CORO2B: variants seen among roughly 807,000 people sequenced by gnomAD.
CORO2B encodes coronin 2B.
CORO2B carries 26 observed loss-of-function variants against 58.8 expected under a neutral mutation model. The ratio of observed to expected loss-of-function variants is 0.44; its 90% CI spans 0.32 to 0.61. The LOEUF is 0.61. CORO2B is among the 20% of genes least tolerant of loss of function. The pLI, the probability that CORO2B is intolerant of heterozygous loss-of-function variation, is 0.04. For missense variants in CORO2B, 460 were observed against 645.1 expected (o/e 0.71, Z 3.11); for synonymous variants, 242 against 253.8 (o/e 0.95, Z 0.44).
chr15:68,726,074 G>C lies in CORO2B; in HGVS notation c.*100G>C. 4 of 1,509,100 alleles carry C rather than the reference G, an allele frequency of 2.7e-6. No individual in the cohort carries two copies. The highest frequency in any genetic ancestry group is 2.7e-6 in the Non-Finnish European group (3 of 1,120,696). 93.5% of individuals were successfully genotyped at this position (1,509,100 alleles called of 1,614,324 possible). ...GACCCCAGAGACAGAGCCAGGACAG[G>C]AGTGGGGGCCAGCCTGAGGACCCCC... On this transcript the variant is annotated 3_prime_UTR_variant, in exon 12 of 12. Transcript: ENST00000261861.
At chr15:68,639,331 A>C (rs1242020533) in intron 1 of CORO2B, among the ~76,000 whole-genome samples, 3 of 152,220 alleles carry the variant, frequency 2.0e-5, no homozygotes, top group Non-Finnish European at 4.4e-5. Flanking sequence ...TGATCTGGTA[A>C]CTTACAAACC....
Position 68,616,627 on chromosome 15 carries a change from G to A in CORO2B, c.16-28533G>A, listed in dbSNP as rs911737036. On this transcript the variant is annotated intron_variant, in intron 1 of 11. Transcript: ENST00000261861. ...ATTCTGACAAGCGGTGAGTACGGCTGTGTCAGCGCGTGGGCCCCAGCGCAA... is the reference window on the plus strand; with the variant it reads ...ATTCTGACAAGCGGTGAGTACGGCTATGTCAGCGCGTGGGCCCCAGCGCAA... 18 of 985,286 alleles carry A rather than the reference G, an allele frequency of 1.8e-5. No individual in the cohort carries two copies. The Admixed American group carries it at 5.5e-4, about 30-fold the overall frequency. The allele number at this position is 985,286 out of a possible 1,614,324, so 61.0% of individuals were successfully genotyped here.
At position 68,708,571 on chromosome 15, in the gene CORO2B, C is replaced by T. The variant is rs527897751; in HGVS notation, c.334-2161C>T. 7.9e-5 allele frequency among the ~76,000 whole-genome samples: 12 copies of T among 151,884 alleles called. No homozygotes were observed. The South Asian group carries it at 1.9e-3, about 24-fold the overall frequency. On this transcript the variant is annotated intron_variant, in intron 3 of 11. Transcript: ENST00000261861. ...GTAGAGATGGGTTTCTCCGTGTTAG[C>T]CAGGATGGTCTCGATCTCCTGACCT...
rs56168498 is a variant in CORO2B at position 68,686,020 on chromosome 15, G to GT, written c.217-9103dup. On this transcript the variant is annotated intron_variant, in intron 2 of 11. Transcript: ENST00000261861. ...CTAGAAATGTTGAGCTCCTACTTCTGTTTTTTTTTTTTTTTTTCTTTTTTT... is the reference window on the plus strand; with the variant it reads ...CTAGAAATGTTGAGCTCCTACTTCTGTTTTTTTTTTTTTTTTTTCTTTTTTT... Among the ~76,000 whole-genome samples the GT allele has an allele frequency of 5.0e-3, 518 of 103,274 alleles. 4 individuals carry two copies. Among genetic ancestry groups the GT allele is most frequent in the African/African-American group, 0.015 (441 of 29,224 alleles). 67.8% of individuals were successfully genotyped at this position (103,274 alleles called of 152,430 possible).
intron 2 of CORO2B, among the ~76,000 whole-genome samples, chr15:68,688,015 C>G (rs1246725998): frequency 6.6e-6 from 1 of 152,208 alleles, no homozygotes; most frequent in Non-Finnish European, 1.5e-5. Context: ...CCCTCCAGAC[C>G]ATCCATTGGT....
chr15:68,523,805 A>G, the CORO2B span, among the ~76,000 whole-genome samples: 1 of 152,208 alleles, frequency 6.6e-6, no homozygotes. Flanking sequence ...CCATATCCCA[A>G]GGGGAAAAGT....
rs1200617659 is a variant in CORO2B, at chr15:68,579,202, G to GGCC, written c.-48_-46dup. On this transcript the variant is annotated 5_prime_UTR_variant, in exon 1 of 12. Transcript: ENST00000261861. The stretch of plus-strand genomic sequence containing the variant: ...CGGACCCCCTTCCGCCGCCGCCCCG[G>GGCC]GCCGCCGCCGCCGCCCCCGCACGCC... 2,504 of 993,906 alleles carry GGCC rather than the reference G, an allele frequency of 2.5e-3. 60 individuals carry two copies. The African/African-American group carries it at 0.039, about 15-fold the overall frequency. The allele number at this position is 993,906 out of a possible 1,614,324, so 61.6% of individuals were successfully genotyped here.
At chr15:68,562,016 G>A in the CORO2B span, among the ~76,000 whole-genome samples, 4 of 152,146 alleles carry the variant, frequency 2.6e-5, no homozygotes, top group Non-Finnish European at 5.9e-5. Flanking sequence ...TACCCTAAAG[G>A]CAGGCCAACT....
rs1014601940 is a variant in CORO2B at position 68,710,158 on chromosome 15, T to A, written c.334-574T>A. Among the ~76,000 whole-genome samples the A allele has an allele frequency of 2.0e-5, 3 of 152,204 alleles. No homozygotes were observed. The highest frequency in any genetic ancestry group is 2.0e-4 in the Admixed American group (3 of 15,280). ...AGCAGCTCTATCCAGGCTCTGCCCA[T>A]CCTTTCAGCTCAGGCCCCAACATCT... On this transcript the variant is annotated intron_variant, in intron 3 of 11. Transcript: ENST00000261861. The surrounding 1 kb of genome is among the most constrained non-coding windows in gnomAD (Gnocchi z 4.1).
intron 1 of CORO2B, among the ~76,000 whole-genome samples, chr15:68,628,495 T>C (rs1396754131): frequency 6.6e-6 from 1 of 152,230 alleles, no homozygotes; most frequent in Non-Finnish European, 1.5e-5. Context: ...GTGAAATACA[T>C]TAAAATATGT....
intron 2 of CORO2B, among the ~76,000 whole-genome samples, chr15:68,650,051 T>C (rs1471688830): frequency 6.6e-6 from 1 of 152,186 alleles, no homozygotes; most frequent in Non-Finnish European, 1.5e-5. Flanking sequence ...ATTTATATGA[T>C]ACACTGTTAC....
Position 68,579,261 on chromosome 15 carries a change from G to A in CORO2B, c.-2G>A. 1 of 1,262,842 alleles carries A rather than the reference G, an allele frequency of 7.9e-7. No individual in the cohort carries two copies. The highest frequency in any genetic ancestry group is 1.0e-6 in the Non-Finnish European group (1 of 998,516). The allele number at this position is 1,262,842 out of a possible 1,614,324, so 78.2% of individuals were successfully genotyped here. ...GCCCCCGCTCCGCCGCGGAGTTTCT[G>A]CATGACTGTCACAAAGGTAAGCGCC... On this transcript the variant is annotated 5_prime_UTR_variant, in exon 1 of 12. Coordinates refer to ENST00000261861, the MANE Select transcript of CORO2B (RefSeq NM_006091.5).
chr15:68,698,943 C>T (rs1405969403), intron 3 of CORO2B, among the ~76,000 whole-genome samples: 1 of 152,050 alleles, frequency 6.6e-6, no homozygotes, highest in Non-Finnish European at 1.5e-5. Context: ...GGGCTATGCA[C>T]ACAGAGAAGA....
chr15:68,599,630 G>T (rs935643509), intron 1 of CORO2B, among the ~76,000 whole-genome samples: 6 of 152,048 alleles, frequency 3.9e-5, no homozygotes, highest in African/African-American at 9.7e-5. Context: ...GACAGATCTG[G>T]GTTGCCCTTG....
chr15:68,690,123 T>G (rs968573266), intron 2 of CORO2B, among the ~76,000 whole-genome samples: 6 of 152,238 alleles, frequency 3.9e-5, no homozygotes, highest in African/African-American at 1.4e-4. Flanking sequence ...AGTGGAAATA[T>G]TCTATAATAG....
intron 1 of CORO2B, among the ~76,000 whole-genome samples, chr15:68,606,387 T>C (rs144953406): frequency 6.6e-6 from 1 of 152,266 alleles, no homozygotes; most frequent in East Asian, 1.9e-4. Context: ...TCAGCATTTA[T>C]TCCAAGCTCC....
chr15:68,573,780 G>A, the CORO2B span, among the ~76,000 whole-genome samples: 2 of 152,204 alleles, frequency 1.3e-5, no homozygotes, highest in African/African-American at 4.8e-5. Context: ...TCATTCTCCA[G>A]GAGCTTGTCA....
intron 1 of CORO2B, among the ~76,000 whole-genome samples, chr15:68,637,207 T>C (rs892721140): frequency 6.6e-6 from 1 of 152,226 alleles, no homozygotes; most frequent in African/African-American, 2.4e-5. Flanking sequence ...GCACAGTCCA[T>C]GCACCTCCCA....
chr15:68,521,768 T>C, the CORO2B span, among the ~76,000 whole-genome samples: 8 of 151,890 alleles, frequency 5.3e-5, no homozygotes, highest in Non-Finnish European at 1.2e-4. Flanking sequence ...TTTTGTTTTT[T>C]TTTTTCTTTC....
Sources: allele counts gnomAD v4.1 joint callset (sites outside exome capture counted in the v4.1 genomes callset), GRCh38; gene constraint gnomAD v4.1.1; non-coding constraint Gnocchi (gnomAD v3.1); transcripts MANE v1.5; gene names NCBI Gene and HGNC (gene_info 2026-07-23, HGNC 2026-07-21).